The following NRXN3 variants were observed in gnomAD, a reference collection of about 807,000 sequenced individuals.
NRXN3 encodes neurexin 3, also known as neurexin III.
In NRXN3, 32 loss-of-function variants were observed where a neutral mutation model predicts 137.6. The ratio of observed to expected loss-of-function variants is 0.23; its 90% CI spans 0.18 to 0.31. The LOEUF (loss-of-function observed/expected upper bound fraction) is 0.31. Ranked by LOEUF, NRXN3 falls within the 10% of genes least tolerant of loss-of-function variation. The pLI is 1.00. For synonymous variants in NRXN3, 798 were observed against 784.5 expected (o/e 1.02, Z -0.29); for missense variants, 1,574 against 2,062.5 (o/e 0.76, Z 4.59).
intron 18 of NRXN3, among the ~76,000 whole-genome samples, chr14:79,694,887 G>GA (rs1603434363): frequency 1.3e-5 from 2 of 151,942 alleles, no homozygotes; most frequent in East Asian, 3.9e-4. Flanking sequence ...GATCTAGCCA[G>GA]AAACAGACCA....
At chr14:78,701,086 A>G (rs978563667) in intron 6 of NRXN3, among the ~76,000 whole-genome samples, 1 of 152,148 alleles carries the variant, frequency 6.6e-6, no homozygotes, top group Non-Finnish European at 1.5e-5. Context: ...TTTTTTCTAT[A>G]AGATACACAA....
intron 4 of NRXN3, among the ~76,000 whole-genome samples, chr14:78,407,246 A>G (rs73316042): frequency 0.025 from 3,730 of 152,222 alleles, 130 homozygotes; most frequent in African/African-American, 0.081. Flanking sequence ...GGGTAATGAA[A>G]AAAAAATACT....
At chr14:79,133,385 C>A (rs546770946) in intron 15 of NRXN3, among the ~76,000 whole-genome samples, 1 of 151,942 alleles carries the variant, frequency 6.6e-6, no homozygotes, top group Non-Finnish European at 1.5e-5. Context: ...TTGAGCCCAG[C>A]CGTAATTGGA....
chr14:78,528,308 A>T (rs1339497246), intron 4 of NRXN3, among the ~76,000 whole-genome samples: 1 of 152,192 alleles, frequency 6.6e-6, no homozygotes, highest in Non-Finnish European at 1.5e-5. Flanking sequence ...TGGCAATGCA[A>T]CAACTTCCCT....
intron 17 of NRXN3, among the ~76,000 whole-genome samples, chr14:79,681,962 AT>A (rs200942226): frequency 7.2e-5 from 11 of 151,782 alleles, no homozygotes; most frequent in East Asian, 1.9e-4. Flanking sequence ...CAAGCCTTAC[AT>A]TTTTTTCCTT....
intron 8 of NRXN3, among the ~76,000 whole-genome samples, chr14:78,782,432 A>G (rs2098773274): frequency 6.6e-6 from 1 of 152,208 alleles, no homozygotes; most frequent in Non-Finnish European, 1.5e-5. Context: ...TTTGTCAGTG[A>G]AAACTCTGAA....
intron 4 of NRXN3, among the ~76,000 whole-genome samples, chr14:78,572,962 A>G (rs777653900): frequency 6.6e-5 from 10 of 152,196 alleles, no homozygotes; most frequent in African/African-American, 1.4e-4. Context: ...CCATGTATCA[A>G]GGGTGAGACT....
intron 5 of NRXN3, among the ~76,000 whole-genome samples, chr14:78,648,498 C>T (rs1345326916): frequency 1.3e-5 from 2 of 152,126 alleles, no homozygotes; most frequent in South Asian, 2.1e-4. Context: ...AAATTAATGA[C>T]CTTATTGAGT....
intron 19 of NRXN3, among the ~76,000 whole-genome samples, chr14:79,791,552 TAATA>T (rs1369651621): frequency 9.5e-5 from 14 of 147,694 alleles, no homozygotes; most frequent in Admixed American, 6.1e-4. Flanking sequence ...TAATTATATA[TAATA>T]AATTATTTTA....
chr14:78,268,904 A>G (rs1209212693), intron 2 of NRXN3, among the ~76,000 whole-genome samples: 2 of 152,134 alleles, frequency 1.3e-5, no homozygotes, highest in South Asian at 2.1e-4. Context: ...CATTTCTTTT[A>G]TGATGTTATT....
intron 16 of NRXN3, among the ~76,000 whole-genome samples, chr14:79,604,055 A>T (rs1288344153): frequency 3.3e-5 from 5 of 149,378 alleles, no homozygotes; most frequent in African/African-American, 9.9e-5. Context: ...GCCCAGATAA[A>T]TTTTTTTTTG....
chr14:79,082,643 G>A (rs1195719606), intron 15 of NRXN3, among the ~76,000 whole-genome samples: 1 of 152,066 alleles, frequency 6.6e-6, no homozygotes, highest in South Asian at 2.1e-4. Context: ...AACACAGAAT[G>A]ATCAGTGGAA....
chr14:78,660,920 A>G (rs777774545), intron 6 of NRXN3, among the ~76,000 whole-genome samples: 2 of 152,210 alleles, frequency 1.3e-5, no homozygotes, highest in Non-Finnish European at 2.9e-5. Flanking sequence ...TAGGAAATGT[A>G]ATACTGGAGG....
At chr14:79,060,405 C>T (rs2099672717) in intron 15 of NRXN3, among the ~76,000 whole-genome samples, 1 of 152,160 alleles carries the variant, frequency 6.6e-6, no homozygotes, top group Non-Finnish European at 1.5e-5. Flanking sequence ...AGTTCCTGCC[C>T]TATGGTACAT....
intron 16 of NRXN3, among the ~76,000 whole-genome samples, chr14:79,645,624 A>C (rs1222180995): frequency 7.5e-6 from 1 of 134,124 alleles, no homozygotes; most frequent in Non-Finnish European, 1.7e-5. Context: ...CAAAAAAAAA[A>C]AAAAAAGTTT....
intron 15 of NRXN3, among the ~76,000 whole-genome samples, chr14:79,219,959 G>A (rs2069247188): frequency 6.6e-6 from 1 of 152,154 alleles, no homozygotes; most frequent in Non-Finnish European, 1.5e-5. Flanking sequence ...AATTCCCACT[G>A]CCTTGCTTTA....
In NRXN3 at chr14:78,894,338, C is replaced by A. The variant is rs535636240; in HGVS notation, c.2276-62904C>A. On this transcript the variant is annotated intron_variant, in intron 10 of 20. Coordinates refer to ENST00000335750, the MANE Select transcript of NRXN3 (RefSeq NM_001330195.2). ...GTAGTCATTTCAACAATGTTCACAG[C>A]ATCTTTACCAGGAGAAAATTCCATT... Among the ~76,000 whole-genome samples the A allele has an allele frequency of 5.5e-4, 84 of 152,062 alleles. 1 individual carries two copies. Among genetic ancestry groups the A allele is most frequent in the Middle Eastern group, 3.4e-3 (1 of 294 alleles).
At chr14:78,218,864 A>G (rs1325702877) in intron 1 of NRXN3, among the ~76,000 whole-genome samples, 2 of 152,196 alleles carry the variant, frequency 1.3e-5, no homozygotes, top group East Asian at 1.9e-4. Flanking sequence ...TGGGTGGCTT[A>G]AACAGCTGAA....
Position 79,260,175 on chromosome 14 carries a change from TTC to T in NRXN3, c.3263-207041_3263-207040del, listed in dbSNP as rs1303225147. ...TTACTTTAGTGAGATGGGACTCATGTTCTCTCATACACAAATACATATATCTT... is the reference window on the plus strand; with the variant it reads ...TTACTTTAGTGAGATGGGACTCATGTTCTCATACACAAATACATATATCTT... On this transcript the variant is annotated intron_variant, in intron 15 of 20. Transcript: ENST00000335750. Among the ~76,000 whole-genome samples, 32 of 152,344 alleles carry T rather than the reference TTC, an allele frequency of 2.1e-4. 1 individual carries two copies. Among genetic ancestry groups the T allele is most frequent in the Admixed American group, 1.3e-3 (20 of 15,298 alleles).
Sources: gnomAD v4.1 joint callset for allele counts (sites outside exome capture counted in the v4.1 genomes callset) on GRCh38, gnomAD v4.1.1 for gene constraint, MANE v1.5 for transcripts, NCBI Gene and HGNC (gene_info 2026-07-23, HGNC 2026-07-21) for gene names.